DLG2: variants seen among roughly 807,000 people sequenced by gnomAD.
The protein encoded by DLG2 is disks large homolog 2.
DLG2 carries 45 observed loss-of-function variants against 132.5 expected under a neutral mutation model. The ratio of observed to expected loss-of-function variants is 0.34; its 90% confidence interval spans 0.27 to 0.44. The LOEUF is 0.44. DLG2 is among the 20% of genes least tolerant of loss of function. DLG2 has a pLI of 1.00. For missense variants in DLG2, 1,045 were observed against 1,196.9 expected, an observed-to-expected ratio of 0.87 and a Z score of 1.87; for synonymous variants, 424 against 419.6, an observed-to-expected ratio of 1.01 and a Z score of -0.13.
At chr11:84,308,748 A>AC (rs1177684253) in intron 7 of DLG2, among the ~76,000 whole-genome samples, 3 of 151,924 alleles carry the variant, frequency 2.0e-5, no homozygotes, top group Non-Finnish European at 4.4e-5. Context: ...CTGCTGGGGG[A>AC]CCCAGTACAC....
chr11:85,067,232 T>G (rs2065058532), intron 6 of DLG2, among the ~76,000 whole-genome samples: 1 of 151,878 alleles, frequency 6.6e-6, no homozygotes, highest in Non-Finnish European at 1.5e-5. Context: ...GATTCTTCTC[T>G]CCTTTCTTCT....
At chr11:84,609,767 C>G (rs2099592148) in intron 6 of DLG2, among the ~76,000 whole-genome samples, 1 of 152,144 alleles carries the variant, frequency 6.6e-6, no homozygotes. Context: ...ATTAGCCAAA[C>G]TCCAGCATCT....
intron 3 of DLG2, among the ~76,000 whole-genome samples, chr11:85,328,781 C>A (rs376853358): frequency 6.9e-5 from 10 of 144,816 alleles, no homozygotes; most frequent in Non-Finnish European, 1.4e-4. Flanking sequence ...CCAGGGCAAT[C>A]AGGCAGGAGA....
At chr11:85,358,083 C>T (rs577244944) in intron 3 of DLG2, among the ~76,000 whole-genome samples, 39 of 150,856 alleles carry the variant, frequency 2.6e-4, no homozygotes, top group African/African-American at 8.8e-4. Context: ...TGGAAAATCG[C>T]CTGAAAAACA....
chr11:84,919,181 T>C (rs1408929686), intron 6 of DLG2, among the ~76,000 whole-genome samples: 1 of 152,154 alleles, frequency 6.6e-6, no homozygotes, highest in Admixed American at 6.5e-5. Flanking sequence ...TTCTCAATGA[T>C]GAGTTAATTT....
chr11:83,954,348 G>A (rs2086261767), intron 14 of DLG2, among the ~76,000 whole-genome samples: 1 of 152,118 alleles, frequency 6.6e-6, no homozygotes, highest in African/African-American at 2.4e-5. Flanking sequence ...GTAAACCTAT[G>A]TGGTTTAAAG....
chr11:84,691,349 G>T (rs888615047), intron 6 of DLG2, among the ~76,000 whole-genome samples: 1 of 151,562 alleles, frequency 6.6e-6, no homozygotes, highest in Non-Finnish European at 1.5e-5. Flanking sequence ...TTTAGAACAG[G>T]CAACGACTTA....
chr11:85,071,692 T>C (rs1265533156), intron 6 of DLG2, among the ~76,000 whole-genome samples: 1 of 151,736 alleles, frequency 6.6e-6, no homozygotes, highest in East Asian at 1.9e-4. Context: ...CATAAACTGA[T>C]CCTTGTATCT....
At chr11:85,584,160 C>T (rs975960027) in intron 3 of DLG2, among the ~76,000 whole-genome samples, 7 of 152,064 alleles carry the variant, frequency 4.6e-5, no homozygotes, top group Non-Finnish European at 8.8e-5. Flanking sequence ...TTTTCCTTCA[C>T]CCTCTGCCCT....
chr11:84,945,036 G>C (rs2050022594), intron 6 of DLG2, among the ~76,000 whole-genome samples: 1 of 152,124 alleles, frequency 6.6e-6, no homozygotes, highest in Admixed American at 6.6e-5. Context: ...ATTACTCTCT[G>C]GTACCTGATT....
intron 4 of DLG2, among the ~76,000 whole-genome samples, chr11:85,213,334 G>C (rs934308109): frequency 6.6e-6 from 1 of 151,844 alleles, no homozygotes; most frequent in Non-Finnish European, 1.5e-5. Context: ...GAGACATAAG[G>C]CATCAATTAA....
chr11:84,560,947 G>C (rs973861520), intron 6 of DLG2, among the ~76,000 whole-genome samples: 1 of 152,012 alleles, frequency 6.6e-6, no homozygotes, highest in Non-Finnish European at 1.5e-5. Context: ...TAGGCACTTT[G>C]GTAGATACTA....
intron 6 of DLG2, among the ~76,000 whole-genome samples, chr11:84,903,069 T>C (rs1252302188): frequency 2.2e-5 from 1 of 44,568 alleles, no homozygotes; most frequent in Non-Finnish European, 6.5e-5. Context: ...ACCCAGGCCA[T>C]CTTCCAACTC....
intron 6 of DLG2, among the ~76,000 whole-genome samples, chr11:84,629,259 G>A (rs1361778285): frequency 1.3e-5 from 2 of 152,126 alleles, no homozygotes; most frequent in African/African-American, 4.8e-5. Context: ...AACAAGAAAC[G>A]TCTGTTCAGA....
At position 84,069,570 on chromosome 11, in the gene DLG2, C is replaced by G. The variant is rs180866142; in HGVS notation, c.750-10086G>C. On this transcript the variant is annotated intron_variant, in intron 10 of 27. Coordinates refer to ENST00000376104, the MANE Select transcript of DLG2 (RefSeq NM_001142699.3). ...AAAAATAGGGCTTCTGCTCTCGTCTCTAACTCTGAATGAGAGTAACTCGGG... is the reference window on the plus strand; with the variant it reads ...AAAAATAGGGCTTCTGCTCTCGTCTGTAACTCTGAATGAGAGTAACTCGGG... Among the ~76,000 whole-genome samples the G allele has an allele frequency of 2.0e-5, 3 of 152,352 alleles. No homozygotes were observed. In the East Asian group the frequency reaches 5.8e-4, roughly 29 times the overall value.
At chr11:85,016,907 C>T (rs577516468) in intron 6 of DLG2, among the ~76,000 whole-genome samples, 13 of 152,288 alleles carry the variant, frequency 8.5e-5, no homozygotes, top group Admixed American at 7.2e-4. Flanking sequence ...TTCCTACTCT[C>T]TTCTGTTCTG....
chr11:83,467,765 C>CTATATA (rs1565338244), intron 25 of DLG2, among the ~76,000 whole-genome samples: 6 of 98,982 alleles, frequency 6.1e-5, no homozygotes, highest in Non-Finnish European at 1.2e-4. Flanking sequence ...AAAATAAAAA[C>CTATATA]TATATGTATA....
intron 6 of DLG2, among the ~76,000 whole-genome samples, chr11:84,822,421 T>C (rs1274013996): frequency 6.6e-6 from 1 of 151,840 alleles, no homozygotes; most frequent in Non-Finnish European, 1.5e-5. Flanking sequence ...TAGATAAGGA[T>C]TGTGAAAGTG....
At chr11:85,567,783 G>T (rs1165080058) in intron 3 of DLG2, among the ~76,000 whole-genome samples, 1 of 152,028 alleles carries the variant, frequency 6.6e-6, no homozygotes, top group Admixed American at 6.6e-5. Context: ...CCTTTTGCAG[G>T]CTGAGGAAGT....
Sources: gnomAD v4.1 joint callset for allele counts (sites outside exome capture counted in the v4.1 genomes callset) on GRCh38, gnomAD v4.1.1 for gene constraint, MANE v1.5 for transcripts, NCBI Gene and HGNC (gene_info 2026-07-23, HGNC 2026-07-21) for gene names.